Variants in NTM observed in about 807,000 individuals in gnomAD.
The protein encoded by NTM is neurotrimin.
In NTM, 13 loss-of-function variants were observed where a neutral mutation model predicts 42.1. The ratio of observed to expected loss-of-function variants is 0.31; its 90% CI spans 0.20 to 0.49. NTM has a LOEUF of 0.49. Ranked by LOEUF, NTM falls within the 20% of genes least tolerant of loss-of-function variation. The pLI is 0.99. For missense variants in NTM, 373 were observed against 452.8 expected, an observed-to-expected ratio of 0.82 and a Z score of 1.60; for synonymous variants, 187 against 179.2, an observed-to-expected ratio of 1.04 and a Z score of -0.35.
chr11:131,993,270 C>T (rs1370026095), intron 2 of NTM, among the ~76,000 whole-genome samples: 1 of 151,934 alleles, frequency 6.6e-6, no homozygotes, highest in Non-Finnish European at 1.5e-5. Flanking sequence ...AAAGGTCTTA[C>T]CTAAAGGAGG....
chr11:131,411,777 G>A (rs1327661690), intron 1 of NTM, among the ~76,000 whole-genome samples: 2 of 152,142 alleles, frequency 1.3e-5, no homozygotes, highest in East Asian at 1.9e-4. Flanking sequence ...AGCACAAAGA[G>A]CATTCCGGGC....
chr11:131,862,697 A>G (rs1304290543), intron 1 of NTM, among the ~76,000 whole-genome samples: 1 of 152,210 alleles, frequency 6.6e-6, no homozygotes. Flanking sequence ...AAAGGCTGTG[A>G]CTTTTCTGCT....
intron 2 of NTM, among the ~76,000 whole-genome samples, chr11:131,973,595 T>C (rs1418105768): frequency 6.6e-6 from 1 of 152,188 alleles, no homozygotes; most frequent in Non-Finnish European, 1.5e-5. Flanking sequence ...AGTGGGCAGA[T>C]CACCTGAGGT....
intron 1 of NTM, among the ~76,000 whole-genome samples, chr11:131,847,187 G>A (rs923345639): frequency 1.3e-5 from 2 of 151,996 alleles, no homozygotes; most frequent in Non-Finnish European, 2.9e-5. Context: ...AAATATTGAG[G>A]ATATCATGGA....
At chr11:132,106,083 G>A (rs2062341314) in intron 2 of NTM, among the ~76,000 whole-genome samples, 1 of 152,114 alleles carries the variant, frequency 6.6e-6, no homozygotes, top group Admixed American at 6.5e-5. Context: ...GAAATAGTGA[G>A]GTTCAATTAC....
chr11:131,479,919 T>TA (rs770644945), intron 1 of NTM, among the ~76,000 whole-genome samples: 1 of 152,136 alleles, frequency 6.6e-6, no homozygotes, highest in Non-Finnish European at 1.5e-5. Flanking sequence ...AAATCAATGT[T>TA]AAAAAAGTAT....
intron 1 of NTM, among the ~76,000 whole-genome samples, chr11:131,799,360 T>C (rs950430423): frequency 1.3e-5 from 2 of 152,190 alleles, no homozygotes; most frequent in African/African-American, 4.8e-5. Context: ...GAAATGCTCT[T>C]TTTTGAGCTA....
intron 3 of NTM, among the ~76,000 whole-genome samples, chr11:132,196,536 A>G (rs2080245545): frequency 6.6e-6 from 1 of 152,234 alleles, no homozygotes; most frequent in Non-Finnish European, 1.5e-5. Flanking sequence ...ACATGGAATC[A>G]GCCTATATGC....
intron 2 of NTM, among the ~76,000 whole-genome samples, chr11:132,048,811 CTTTTTTCTTTTTTT>C (rs201177442): frequency 0.041 from 4,081 of 99,400 alleles, 82 homozygotes; most frequent in Middle Eastern, 0.15. Context: ...TTTTTCTTTT[CTTTTTTCTTTTTTT>C]TTTTTTTTTT....
At chr11:131,384,850 A>G (rs1374056542) in intron 1 of NTM, among the ~76,000 whole-genome samples, 4 of 152,234 alleles carry the variant, frequency 2.6e-5, no homozygotes, top group Non-Finnish European at 4.4e-5. Context: ...AAATAACGTA[A>G]TCTGTATCCC....
chr11:131,381,204 A>T (rs910663226), intron 1 of NTM, among the ~76,000 whole-genome samples: 5 of 152,182 alleles, frequency 3.3e-5, no homozygotes, highest in African/African-American at 1.2e-4. Flanking sequence ...GAACCTAAGA[A>T]AAGAGGAAAA....
At chr11:131,494,656 G>A (rs1042316686) in intron 1 of NTM, among the ~76,000 whole-genome samples, 23 of 152,006 alleles carry the variant, frequency 1.5e-4, no homozygotes, top group African/African-American at 5.3e-4. Flanking sequence ...TTGAATGAAC[G>A]CATAAATAAA....
intron 1 of NTM, among the ~76,000 whole-genome samples, chr11:131,616,142 A>G (rs1309942632): frequency 6.6e-6 from 1 of 152,206 alleles, no homozygotes; most frequent in Non-Finnish European, 1.5e-5. Flanking sequence ...GTAGCAAATC[A>G]TCTACAAATA....
intron 2 of NTM, among the ~76,000 whole-genome samples, chr11:132,134,226 A>C (rs1035505398): frequency 1.3e-5 from 2 of 151,992 alleles, no homozygotes; most frequent in African/African-American, 4.8e-5. Context: ...CCTGCCCCAT[A>C]CCCGTATCTT....
intron 2 of NTM, among the ~76,000 whole-genome samples, chr11:131,959,990 G>T (rs898490395): frequency 1.3e-5 from 2 of 152,172 alleles, no homozygotes; most frequent in African/African-American, 4.8e-5. Flanking sequence ...ACCTGAGTAG[G>T]CTTGCAAAGA....
intron 1 of NTM, among the ~76,000 whole-genome samples, chr11:131,633,700 T>C: frequency 1.2e-5 from 1 of 80,140 alleles, no homozygotes. Flanking sequence ...TCTCCCTCCC[T>C]CTCTCCTTCT....
intron 2 of NTM, among the ~76,000 whole-genome samples, chr11:131,946,652 T>A (rs2060377086): frequency 1.3e-5 from 2 of 152,218 alleles, no homozygotes; most frequent in Non-Finnish European, 2.9e-5. Flanking sequence ...CCCTACACAA[T>A]GCACACAATA....
At chr11:132,202,491 T>A (rs2081310590) in intron 3 of NTM, among the ~76,000 whole-genome samples, 3 of 152,142 alleles carry the variant, frequency 2.0e-5, no homozygotes, top group Admixed American at 2.0e-4. Flanking sequence ...GGGAAACAGA[T>A]GGCCCTGTCT....
chr11:131,461,189 GT>G (rs1951343903), intron 1 of NTM, among the ~76,000 whole-genome samples: 1 of 152,144 alleles, frequency 6.6e-6, no homozygotes, highest in South Asian at 2.1e-4. Context: ...GGCAATCACT[GT>G]TACTTTATAG....
Sources: allele counts gnomAD v4.1 joint callset (sites outside exome capture counted in the v4.1 genomes callset), GRCh38; gene constraint gnomAD v4.1.1; transcripts MANE v1.5; gene names NCBI Gene and HGNC (gene_info 2026-07-23, HGNC 2026-07-21).